The following AGBL4 variants were observed in gnomAD, a reference collection of about 807,000 sequenced individuals.
The protein encoded by AGBL4 is AGBL carboxypeptidase 4.
Under a neutral mutation model 66.4 loss-of-function variants are expected in AGBL4, and 58 were observed. The ratio of observed to expected loss-of-function variants is 0.87; its 90% CI spans 0.71 to 1.09. The LOEUF (loss-of-function observed/expected upper bound fraction) is 1.09. Ranked by LOEUF, AGBL4 falls within the 50% of genes least tolerant of loss-of-function variation. The probability of loss-of-function intolerance (pLI) is 0.00; values close to 1 mark genes in which losing one functional copy is unlikely to be tolerated. For synonymous variants in AGBL4, 234 were observed against 222.9 expected (o/e 1.05, Z -0.44); for missense variants, 579 against 631.0 (o/e 0.92, Z 0.88).
intron 1 of AGBL4, among the ~76,000 whole-genome samples, chr1:49,948,409 A>T (rs1655683859): frequency 8.5e-6 from 1 of 117,272 alleles, no homozygotes; most frequent in Non-Finnish European, 1.6e-5. Flanking sequence ...ATATATATAA[A>T]TATAGATAAA....
chr1:49,203,205 A>G (rs2148234541), intron 4 of AGBL4, among the ~76,000 whole-genome samples: 1 of 152,198 alleles, frequency 6.6e-6, no homozygotes, highest in Admixed American at 6.5e-5. Context: ...GATAGAAAAC[A>G]GTATGGAGGT....
intron 3 of AGBL4, among the ~76,000 whole-genome samples, chr1:49,541,742 C>T (rs1438353365): frequency 6.6e-6 from 1 of 152,220 alleles, no homozygotes; most frequent in Non-Finnish European, 1.5e-5. Context: ...CCACCTGTGG[C>T]CCCTGTGCAG....
chr1:48,927,268 T>C (rs1220036128), intron 5 of AGBL4, among the ~76,000 whole-genome samples: 1 of 152,100 alleles, frequency 6.6e-6, no homozygotes, highest in Non-Finnish European at 1.5e-5. Context: ...CTCACAATCA[T>C]GGCAGAAGGC....
intron 4 of AGBL4, among the ~76,000 whole-genome samples, chr1:49,180,155 C>T (rs1485139383): frequency 1.3e-5 from 2 of 152,178 alleles, no homozygotes; most frequent in African/African-American, 2.4e-5. Flanking sequence ...GCCTCAGCCT[C>T]CCAAAGTGCT....
intron 3 of AGBL4, among the ~76,000 whole-genome samples, chr1:49,620,142 G>A (rs1018647530): frequency 3.9e-5 from 6 of 152,082 alleles, no homozygotes. Flanking sequence ...AAACTAAAGA[G>A]CTTCTACACA....
intron 4 of AGBL4, among the ~76,000 whole-genome samples, chr1:49,241,869 A>C (rs1019552232): frequency 6.6e-6 from 1 of 152,018 alleles, no homozygotes; most frequent in African/African-American, 2.4e-5. Flanking sequence ...GCTGGGAGGA[A>C]GTATTATTAT....
intron 3 of AGBL4, among the ~76,000 whole-genome samples, chr1:49,381,427 A>G (rs1482323302): frequency 6.6e-6 from 1 of 152,216 alleles, no homozygotes; most frequent in African/African-American, 2.4e-5. Context: ...TCATTGTGGA[A>G]GTCAGTGTGG....
intron 5 of AGBL4, among the ~76,000 whole-genome samples, chr1:48,997,506 A>T (rs1661107057): frequency 6.6e-6 from 1 of 152,178 alleles, no homozygotes; most frequent in Non-Finnish European, 1.5e-5. Flanking sequence ...CACGCAGCAT[A>T]CAATAGGCAC....
rs117048759 is a variant in AGBL4 at position 49,931,008 on chromosome 1, C to T, written c.35-79490G>A. On this transcript the variant is annotated intron_variant, in intron 1 of 13. Coordinates refer to ENST00000371839, the MANE Select transcript of AGBL4 (RefSeq NM_032785.4). Reference sequence around the variant, plus strand: ...ATGATTGCCTATGTAGAAAATCCTACGGAAAAGAATATAAAAGCACCACTA... The same window carrying T: ...ATGATTGCCTATGTAGAAAATCCTATGGAAAAGAATATAAAAGCACCACTA... Among the ~76,000 whole-genome samples, 490 of 151,962 alleles carry T rather than the reference C, an allele frequency of 3.2e-3. 3 individuals are homozygous for T. Among genetic ancestry groups the T allele is most frequent in the Non-Finnish European group, 5.5e-3 (373 of 67,926 alleles).
chr1:48,694,944 A>G (rs1304837130), intron 6 of AGBL4, among the ~76,000 whole-genome samples: 3 of 152,134 alleles, frequency 2.0e-5, no homozygotes, highest in African/African-American at 7.2e-5. Flanking sequence ...TCTCTTGACC[A>G]CATTAATTTA....
chr1:49,651,988 G>A (rs1021816935), intron 3 of AGBL4, among the ~76,000 whole-genome samples: 7 of 151,994 alleles, frequency 4.6e-5, no homozygotes, highest in Admixed American at 3.3e-4. Context: ...GGATGTGAAA[G>A]ACAAGATATA....
chr1:49,374,659 T>C lies in AGBL4; in HGVS notation c.283-128795A>G, dbSNP rs546424389. Among the ~76,000 whole-genome samples the C allele has an allele frequency of 7.2e-5, 11 of 152,206 alleles. No homozygotes were observed. In the East Asian group the frequency reaches 2.1e-3, roughly 29 times the overall value. On this transcript the variant is annotated intron_variant, in intron 3 of 13. Transcript: ENST00000371839. ...AATCATCCTTGACCCTTCTTTTCTT[T>C]TTTACCTTCATCATTTACATCTTAA...
chr1:48,776,850 GC>G, intron 6 of AGBL4: 1 of 1,473,026 alleles, frequency 6.8e-7, no homozygotes, highest in East Asian at 3.0e-5. Context: ...CCGGGGGCGG[GC>G]CCCGGTCGGG....
At chr1:48,915,018 A>G (rs1653465097) in intron 5 of AGBL4, among the ~76,000 whole-genome samples, 1 of 152,256 alleles carries the variant, frequency 6.6e-6, no homozygotes, top group Non-Finnish European at 1.5e-5. Context: ...ATTCCTCTGT[A>G]AAGCAGACTG....
At chr1:48,645,487 G>A (rs932515006) in intron 8 of AGBL4, among the ~76,000 whole-genome samples, 15 of 152,172 alleles carry the variant, frequency 9.9e-5, no homozygotes, top group African/African-American at 3.4e-4. Flanking sequence ...TTTAGGCTGA[G>A]GAGAGCTCAA....
chr1:49,907,901 G>T (rs558355560), intron 1 of AGBL4, among the ~76,000 whole-genome samples: 2 of 151,898 alleles, frequency 1.3e-5, no homozygotes, highest in East Asian at 3.9e-4. Flanking sequence ...GTACATGTGG[G>T]GGTGGGGGTA....
intron 3 of AGBL4, among the ~76,000 whole-genome samples, chr1:49,576,130 T>C (rs1004594750): frequency 6.6e-6 from 1 of 152,216 alleles, no homozygotes; most frequent in Non-Finnish European, 1.5e-5. Context: ...AGTTGCTGCA[T>C]TTGACCTCTC....
chr1:49,411,087 G>A (rs969807635), intron 3 of AGBL4, among the ~76,000 whole-genome samples: 6 of 152,206 alleles, frequency 3.9e-5, no homozygotes, highest in African/African-American at 1.4e-4. Context: ...AAAGAAGCCA[G>A]CAGTGGTTCG....
intron 2 of AGBL4, among the ~76,000 whole-genome samples, chr1:49,727,860 A>G (rs1649149143): frequency 6.6e-6 from 1 of 152,186 alleles, no homozygotes; most frequent in African/African-American, 2.4e-5. Context: ...TTAAAACATT[A>G]TGACTTATTA....
Sources: gnomAD v4.1 joint callset for allele counts (sites outside exome capture counted in the v4.1 genomes callset) on GRCh38, gnomAD v4.1.1 for gene constraint, MANE v1.5 for transcripts, NCBI Gene and HGNC (gene_info 2026-07-23, HGNC 2026-07-21) for gene names.